The following ASTN2 variants were observed in gnomAD, a reference collection of about 807,000 sequenced individuals.
ASTN2 encodes the protein astrotactin 2.
ASTN2 carries 54 observed loss-of-function variants against 139.8 expected under a neutral mutation model. The ratio of observed to expected loss-of-function variants is 0.39; its 90% CI spans 0.31 to 0.48. The LOEUF (loss-of-function observed/expected upper bound fraction) is 0.48. Ranked by LOEUF, ASTN2 falls within the 20% of genes least tolerant of loss-of-function variation. The pLI, the probability that ASTN2 is intolerant of heterozygous loss-of-function variation, is 0.95. For missense variants in ASTN2, 1,565 were observed against 1,725.1 expected (o/e 0.91, Z 1.64); for synonymous variants, 756 against 719.5 (o/e 1.05, Z -0.81).
intron 6 of ASTN2, among the ~76,000 whole-genome samples, chr9:117,026,297 C>T (rs1192809271): frequency 6.6e-6 from 1 of 152,080 alleles, no homozygotes; most frequent in African/African-American, 2.4e-5. Context: ...GGTGTTTTAG[C>T]ATCCCCATTT....
chr9:116,719,788 C>A (rs1464920663), intron 16 of ASTN2, among the ~76,000 whole-genome samples: 1 of 151,218 alleles, frequency 6.6e-6, no homozygotes, highest in East Asian at 1.9e-4. Context: ...ATGCAACAGT[C>A]CAGAGGGGAA....
chr9:116,661,737 A>G (rs1430849703), intron 16 of ASTN2, among the ~76,000 whole-genome samples: 1 of 152,146 alleles, frequency 6.6e-6, no homozygotes, highest in Non-Finnish European at 1.5e-5. Flanking sequence ...TAGGCATGCA[A>G]CCAGGCCCTC....
rs1564362543 is a variant in ASTN2, at chr9:116,964,221, GTGT to G, written c.1889+10984_1889+10986del. 3.0e-3 allele frequency among the ~76,000 whole-genome samples: 311 copies of G among 103,222 alleles called. 2 individuals carry two copies. The highest frequency in any genetic ancestry group is 0.012 in the African/African-American group (277 of 22,926). The allele number at this position is 103,222 out of a possible 152,430, so 67.7% of individuals were successfully genotyped here. A position where few individuals can be genotyped will look rare whatever the true frequency, so the allele number is the denominator to read the frequency against. On this transcript the variant is annotated intron_variant, in intron 10 of 22. Transcript: ENST00000313400. Reference sequence around the variant, plus strand: ...TTCTGACTAGACTGCCCTGGGGTGTGTGTGTGTGTGTGTGTGTGTGTGTGTGTG... The same window carrying G: ...TTCTGACTAGACTGCCCTGGGGTGTGGTGTGTGTGTGTGTGTGTGTGTGTG...
intron 4 of ASTN2, among the ~76,000 whole-genome samples, chr9:117,108,000 G>A (rs1032592170): frequency 6.6e-6 from 1 of 152,098 alleles, no homozygotes; most frequent in African/African-American, 2.4e-5. Context: ...GTAAGAAAGG[G>A]AACAATAGTG....
intron 10 of ASTN2, among the ~76,000 whole-genome samples, chr9:116,957,316 G>A (rs1310914777): frequency 6.6e-6 from 1 of 152,218 alleles, no homozygotes; most frequent in Admixed American, 6.5e-5. Flanking sequence ...ATAAGGTAAA[G>A]AAAGACAATG....
chr9:116,526,055 C>T (rs533450202), intron 19 of ASTN2, among the ~76,000 whole-genome samples: 2 of 152,318 alleles, frequency 1.3e-5, no homozygotes, highest in South Asian at 2.1e-4. Context: ...GGCTCAAGTG[C>T]CATCTTCTCT....
intron 11 of ASTN2, among the ~76,000 whole-genome samples, chr9:116,822,133 C>T (rs1054646145): frequency 5.9e-5 from 9 of 151,684 alleles, no homozygotes; most frequent in Non-Finnish European, 1.5e-5. Context: ...ATGCCATCGT[C>T]CTAAACAACA....
chr9:116,719,737 C>T (rs1010892265), intron 16 of ASTN2, among the ~76,000 whole-genome samples: 1 of 151,766 alleles, frequency 6.6e-6, no homozygotes, highest in Admixed American at 6.6e-5. Flanking sequence ...ACTTCACTTA[C>T]TAATGTTGCA....
chr9:116,675,916 C>T (rs1183552047), intron 16 of ASTN2, among the ~76,000 whole-genome samples: 1 of 152,156 alleles, frequency 6.6e-6, no homozygotes, highest in Non-Finnish European at 1.5e-5. Flanking sequence ...TGAGCTTTGC[C>T]AGGTTGACAT....
intron 7 of ASTN2, among the ~76,000 whole-genome samples, chr9:116,980,344 T>C (rs1836476895): frequency 1.3e-5 from 2 of 151,610 alleles, no homozygotes; most frequent in South Asian, 4.2e-4. Context: ...AATATATCCA[T>C]GTAACAAACC....
intron 2 of ASTN2, among the ~76,000 whole-genome samples, chr9:117,240,218 G>A (rs751499677): frequency 3.3e-5 from 5 of 152,136 alleles, no homozygotes; most frequent in South Asian, 2.1e-4. Context: ...GTTCAGTGAC[G>A]TGGTGAGAAG....
chr9:117,379,659 T>C (rs1830214634), intron 1 of ASTN2, among the ~76,000 whole-genome samples: 1 of 152,236 alleles, frequency 6.6e-6, no homozygotes, highest in South Asian at 2.1e-4. Flanking sequence ...ATGAATAAGA[T>C]GCTATCCTGT....
At chr9:117,136,775 A>T (rs1829961884) in intron 4 of ASTN2, among the ~76,000 whole-genome samples, 1 of 152,210 alleles carries the variant, frequency 6.6e-6, no homozygotes, top group Non-Finnish European at 1.5e-5. Context: ...CTTGGATGAC[A>T]GTGATTGTAC....
chr9:116,858,522 T>C (rs1427931928), intron 11 of ASTN2, among the ~76,000 whole-genome samples: 2 of 152,224 alleles, frequency 1.3e-5, no homozygotes, highest in East Asian at 3.9e-4. Flanking sequence ...TTTTCTTTGT[T>C]TTTATTCTCT....
At chr9:116,507,919 G>A (rs952136149) in intron 19 of ASTN2, among the ~76,000 whole-genome samples, 3 of 151,906 alleles carry the variant, frequency 2.0e-5, no homozygotes, top group South Asian at 2.1e-4. Context: ...ACGGAGTTTC[G>A]CTCTTGTCGC....
intron 2 of ASTN2, among the ~76,000 whole-genome samples, chr9:117,260,146 A>G (rs1833787707): frequency 1.3e-5 from 2 of 152,130 alleles, no homozygotes. Context: ...GTTGCCCCTA[A>G]AAACCCTGAC....
chr9:117,254,718 C>T (rs562141393), intron 2 of ASTN2, among the ~76,000 whole-genome samples: 23 of 152,222 alleles, frequency 1.5e-4, no homozygotes, highest in African/African-American at 5.1e-4. Context: ...TCAAAAAATA[C>T]TAGATGTGAG....
intron 4 of ASTN2, among the ~76,000 whole-genome samples, chr9:117,127,655 G>GTT (rs1452049794): frequency 8.5e-6 from 1 of 117,592 alleles, no homozygotes; most frequent in South Asian, 2.9e-4. Flanking sequence ...AGAAGTTAGG[G>GTT]TTTTTTTTTT....
intron 1 of ASTN2, among the ~76,000 whole-genome samples, chr9:117,308,680 A>T (rs149916422): frequency 6.6e-6 from 1 of 150,854 alleles, no homozygotes; most frequent in East Asian, 2.0e-4. Flanking sequence ...GGAGAAATAG[A>T]GTAGGACAGG....
Sources: allele counts gnomAD v4.1 joint callset (sites outside exome capture counted in the v4.1 genomes callset), GRCh38; gene constraint gnomAD v4.1.1; transcripts MANE v1.5; gene names NCBI Gene and HGNC (gene_info 2026-07-23, HGNC 2026-07-21).